The following OSMR variants were observed in gnomAD, a reference collection of about 807,000 sequenced individuals.
OSMR encodes the protein oncostatin-M-specific receptor subunit beta.
In OSMR, 81 loss-of-function variants were observed where a neutral mutation model predicts 99.9. That is an observed-to-expected ratio of 0.81 (90% CI 0.68 to 0.97). The LOEUF is 0.97. Ranked by LOEUF, OSMR falls within the 50% of genes least tolerant of loss-of-function variation. The pLI is 0.00. For synonymous variants in OSMR, 406 were observed against 410.4 expected, an observed-to-expected ratio of 0.99 and a Z score of 0.13; for missense variants, 1,099 against 1,153.4, an observed-to-expected ratio of 0.95 and a Z score of 0.68.
chr5:38,909,265 A>G (rs2112574485), intron 9 of OSMR, among the ~76,000 whole-genome samples: 1 of 152,340 alleles, frequency 6.6e-6, no homozygotes, highest in African/African-American at 2.4e-5. Context: ...AAAGAGAGGC[A>G]GAGAAGGCAA....
Position 38,862,937 on chromosome 5 carries a change from G to A in OSMR, c.-13-6095G>A, listed in dbSNP as rs528143402. Among the ~76,000 whole-genome samples the A allele has an allele frequency of 2.3e-3, 344 of 152,120 alleles. 1 individual carries two copies. Among genetic ancestry groups the A allele is most frequent in the Non-Finnish European group, 3.1e-3 (213 of 68,004 alleles). ...AGCACCTCGGGAGGCCGAGGCTGGC[G>A]GATCAGTCGCGGTTAGGAGCTGGAG... On this transcript the variant is annotated intron_variant, in intron 1 of 17. Coordinates refer to ENST00000274276, the MANE Select transcript of OSMR (RefSeq NM_003999.3).
chr5:38,901,647 T>C (rs764257848), intron 7 of OSMR, among the ~76,000 whole-genome samples: 32 of 152,194 alleles, frequency 2.1e-4, no homozygotes, highest in Admixed American at 3.3e-4. Context: ...TGTGAGAGGC[T>C]GGTACATCCC....
At chr5:38,936,032 C>CCAT (rs1384815717), downstream of OSMR, among the ~76,000 whole-genome samples, 9 of 152,184 alleles carry the variant, frequency 5.9e-5, no homozygotes, top group African/African-American at 2.2e-4. Context: ...ATACTATATG[C>CCAT]CATCTTAACA....
chr5:38,854,969 GA>G (rs1165228912), intron 1 of OSMR, among the ~76,000 whole-genome samples: 3 of 152,328 alleles, frequency 2.0e-5, no homozygotes, highest in African/African-American at 7.2e-5. Context: ...AGTCGAGAGA[GA>G]AAGCCGGCCG....
At chr5:38,896,097 T>C (rs1013225467) in intron 7 of OSMR, among the ~76,000 whole-genome samples, 2 of 152,122 alleles carry the variant, frequency 1.3e-5, no homozygotes, top group African/African-American at 2.4e-5. Flanking sequence ...TTCCTCCAGT[T>C]TAGTTCTTTC....
intron 3 of OSMR, among the ~76,000 whole-genome samples, chr5:38,879,474 G>A (rs553841327): frequency 5.9e-5 from 9 of 152,326 alleles, no homozygotes; most frequent in African/African-American, 1.9e-4. Flanking sequence ...CAGCCAAAGC[G>A]GAGATGCGGG....
intron 1 of OSMR, chr5:38,942,143 A>G (rs758907393): frequency 7.0e-6 from 3 of 427,800 alleles, no homozygotes; most frequent in Non-Finnish European, 1.3e-5. Flanking sequence ...TTGGTTAGGA[A>G]AGTCAGCAGT....
In OSMR at chr5:38,924,536, T is replaced by C. The variant is rs148041329; in HGVS notation, c.1985T>C (p.Val662Ala). The change falls in exon 14 of 18, where the codon GTC becomes GCC. Residue 662 changes from valine to alanine, a missense_variant. Physicochemically the swap from Val to Ala is moderately conservative, Grantham distance 64. Coordinates refer to ENST00000274276, the MANE Select transcript of OSMR (RefSeq NM_003999.3). ...CCTGGTTTTATACAAGGGTACCATG[T>C]CTATCTGAAATCCAAGGCGAGGCAG... ...SQPGFIQGYH[V>A]YLKSKARQCH... 35 of 1,614,176 alleles carry C rather than the reference T, an allele frequency of 2.2e-5. No homozygotes were observed. The Admixed American group carries it at 4.3e-4, about 20-fold the overall frequency.
chr5:38,901,368 T>C (rs1744878870), intron 7 of OSMR, among the ~76,000 whole-genome samples: 1 of 152,204 alleles, frequency 6.6e-6, no homozygotes, highest in African/African-American at 2.4e-5. Context: ...TACTGGTCCC[T>C]TGGGATCTGG....
At chr5:38,943,839 A>C (rs1374556651) in intron 1 of OSMR, among the ~76,000 whole-genome samples, 1 of 152,032 alleles carries the variant, frequency 6.6e-6, no homozygotes, top group Non-Finnish European at 1.5e-5. Flanking sequence ...ATACAAAATA[A>C]AAAAGCCCTG....
chr5:38,876,166 A>G (rs1209624064), intron 2 of OSMR, 35 bp from the exon 3 acceptor site: 1 of 1,590,172 alleles, frequency 6.3e-7, no homozygotes, highest in Non-Finnish European at 8.6e-7. Flanking sequence ...TGCTCCTATT[A>G]AATATTATTT....
At position 38,941,862 on chromosome 5, in the gene OSMR, C is replaced by T. The variant is rs1172498170; in HGVS notation, c.75-2339C>T. Reference sequence around the variant, plus strand: ...TGGTAATAGGATGCAGCCTTAGAGACACTGATTCCTGCTTTCCACAAGTTA... The same window carrying T: ...TGGTAATAGGATGCAGCCTTAGAGATACTGATTCCTGCTTTCCACAAGTTA... On this transcript the variant is annotated intron_variant and NMD_transcript_variant, in intron 1 of 2. Transcript: ENST00000508882. 1.6e-4 allele frequency: 37 copies of T among 233,526 alleles called. 1 individual carries two copies. In the Admixed American group the frequency reaches 1.9e-3, roughly 12 times the overall value. The allele number at this position is 233,526 out of a possible 1,614,324, so 14.5% of individuals were successfully genotyped here. A position where few individuals can be genotyped will look rare whatever the true frequency, so the allele number is the denominator to read the frequency against.
At chr5:38,929,076 T>TA (rs908467684) in intron 15 of OSMR, among the ~76,000 whole-genome samples, 8 of 152,020 alleles carry the variant, frequency 5.3e-5, no homozygotes, top group South Asian at 2.1e-4. Flanking sequence ...TTACTTTTTT[T>TA]AAAAAAAATA....
chr5:38,914,957 C>T (rs946568915), intron 9 of OSMR, among the ~76,000 whole-genome samples: 1 of 152,120 alleles, frequency 6.6e-6, no homozygotes, highest in African/African-American at 2.4e-5. Context: ...ATGTAACAAA[C>T]ATGCACATGT....
chr5:38,915,571 G>T (rs1199139500), intron 9 of OSMR, among the ~76,000 whole-genome samples: 2 of 152,134 alleles, frequency 1.3e-5, no homozygotes, highest in Non-Finnish European at 2.9e-5. Context: ...ATCACATCTT[G>T]TATTTAAATT....
chr5:38,944,815 A>T, intron 2 of OSMR: 1 of 1,211,562 alleles, frequency 8.3e-7, no homozygotes, highest in Non-Finnish European at 1.2e-6. Context: ...TACTGTTTTG[A>T]GACAACTTTA....
chr5:38,942,997 GA>G (rs1353887321), intron 1 of OSMR: 6 of 1,544,764 alleles, frequency 3.9e-6, no homozygotes, highest in African/African-American at 2.7e-5. Context: ...ATGGTGTGAT[GA>G]AAACTGTAAT....
chr5:38,944,652 C>T (rs1004957165), intron 2 of OSMR: 1 of 1,225,118 alleles, frequency 8.2e-7, no homozygotes, highest in Non-Finnish European at 1.1e-6. Flanking sequence ...TTTTAAACTT[C>T]ACCTAAAGAC....
intron 1 of OSMR, among the ~76,000 whole-genome samples, chr5:38,857,157 G>T (rs974763662): frequency 2.0e-5 from 3 of 151,994 alleles, no homozygotes; most frequent in Non-Finnish European, 4.4e-5. Context: ...TAAAATACTC[G>T]ATATTCTAGG....
Sources: allele counts gnomAD v4.1 joint callset (sites outside exome capture counted in the v4.1 genomes callset), GRCh38; gene constraint gnomAD v4.1.1; transcripts MANE v1.5; gene names NCBI Gene and HGNC (gene_info 2026-07-23, HGNC 2026-07-21).